The following MSRA variants were observed in gnomAD, a reference collection of about 807,000 sequenced individuals.
The protein encoded by MSRA is methionine sulfoxide reductase A.
In MSRA, 54 loss-of-function variants were observed where a neutral mutation model predicts 31.3. The ratio of observed to expected loss-of-function variants is 1.73; its 90% confidence interval spans 1.39 to 2.17. The LOEUF (loss-of-function observed/expected upper bound fraction) is 2.17, where lower values mean the gene tolerates loss of function less well. Among genes scored for constraint, MSRA ranks in the 30% most tolerant of loss-of-function variants. MSRA has a pLI of 0.00. For missense variants in MSRA, 507 were observed against 300.9 expected, an observed-to-expected ratio of 1.69 and a Z score of -5.07; for synonymous variants, 169 against 116.5, an observed-to-expected ratio of 1.45 and a Z score of -2.90.
chr8:10,207,843 T>C lies in MSRA; in HGVS notation c.153T>C (p.His51=), dbSNP rs780807485. 3.1e-5 allele frequency: 50 copies of C among 1,610,596 alleles called. No homozygotes were observed. In the Admixed American group the frequency reaches 7.9e-4, roughly 25 times the overall value. ...KEQTPVAAKH[H]VNGNRTVEPF... ...TTTTTTTTTTTCTAGCCAAACATCA[T>C]GTCAATGGCAACAGAACAGTCGAAC... The change falls in exon 2 of 6, where the codon CAT becomes CAC. Residue 51 remains histidine (H), a synonymous_variant. Transcript: ENST00000317173.
intron 4 of MSRA, among the ~76,000 whole-genome samples, chr8:10,308,427 A>C (rs368041410): frequency 1.3e-5 from 2 of 151,990 alleles, no homozygotes; most frequent in Non-Finnish European, 2.9e-5. Context: ...CTCTCTATCC[A>C]CTTGACCACG....
rs958844400 is a variant in MSRA at position 10,152,769 on chromosome 8, A to C, written c.143-55064A>C. On this transcript the variant is annotated intron_variant, in intron 1 of 5. Coordinates refer to ENST00000317173, the MANE Select transcript of MSRA (RefSeq NM_012331.5). Reference sequence around the variant, plus strand: ...ACAATAGCTCCACGTGCCCGTTGACAGGTGAACAGGTAGACAGAATGTGGT... The same window carrying C: ...ACAATAGCTCCACGTGCCCGTTGACCGGTGAACAGGTAGACAGAATGTGGT... Among the ~76,000 whole-genome samples the C allele has an allele frequency of 4.6e-5, 7 of 152,344 alleles. No homozygotes were observed. In the South Asian group the frequency reaches 1.4e-3, roughly 32 times the overall value.
intron 3 of MSRA, among the ~76,000 whole-genome samples, chr8:10,260,052 A>C (rs1798391675): frequency 6.6e-6 from 1 of 152,246 alleles, no homozygotes; most frequent in African/African-American, 2.4e-5. Flanking sequence ...GAAAGAGAAA[A>C]CAACCAAGTC....
At chr8:10,163,751 A>T (rs1390234414) in intron 1 of MSRA, among the ~76,000 whole-genome samples, 1 of 152,250 alleles carries the variant, frequency 6.6e-6, no homozygotes, top group Non-Finnish European at 1.5e-5. Flanking sequence ...GGCGTCATCA[A>T]AGGGGAGGAT....
At chr8:10,307,667 C>T (rs1469905267) in intron 4 of MSRA, among the ~76,000 whole-genome samples, 1 of 152,204 alleles carries the variant, frequency 6.6e-6, no homozygotes, top group Non-Finnish European at 1.5e-5. Context: ...TAGATCTTGC[C>T]TGCTGCACAG....
chr8:10,220,206 C>T (rs1176704344), intron 2 of MSRA, among the ~76,000 whole-genome samples: 1 of 152,164 alleles, frequency 6.6e-6, no homozygotes, highest in Non-Finnish European at 1.5e-5. Flanking sequence ...TCATCAGTGT[C>T]CCAGACTTAC....
At chr8:10,155,161 A>G (rs914093275) in intron 1 of MSRA, among the ~76,000 whole-genome samples, 1 of 152,118 alleles carries the variant, frequency 6.6e-6, no homozygotes, top group Non-Finnish European at 1.5e-5. Context: ...GACAATAAGG[A>G]TAAAGAAATA....
intron 1 of MSRA, among the ~76,000 whole-genome samples, chr8:10,135,900 C>T (rs1367214642): frequency 6.6e-6 from 1 of 152,184 alleles, no homozygotes; most frequent in East Asian, 1.9e-4. Context: ...AGGTAGAATC[C>T]TCAGATGCTT....
chr8:10,368,554 C>A (rs1805298019), intron 5 of MSRA, among the ~76,000 whole-genome samples: 1 of 152,244 alleles, frequency 6.6e-6, no homozygotes, highest in Non-Finnish European at 1.5e-5. Context: ...GGGGTGGTCC[C>A]AGTCCTGGTT....
At chr8:10,253,057 G>C (rs1301062436) in intron 3 of MSRA, among the ~76,000 whole-genome samples, 1 of 152,200 alleles carries the variant, frequency 6.6e-6, no homozygotes, top group Admixed American at 6.5e-5. Flanking sequence ...TCCAGCATTA[G>C]ACATCAGAGA....
chr8:10,190,473 T>C (rs928654697), intron 1 of MSRA, among the ~76,000 whole-genome samples: 2 of 152,226 alleles, frequency 1.3e-5, no homozygotes, highest in Non-Finnish European at 2.9e-5. Context: ...GAGGGTGATG[T>C]TGCCTGTCTG....
chr8:10,056,692 A>G (rs1261065074), intron 1 of MSRA, among the ~76,000 whole-genome samples: 1 of 152,190 alleles, frequency 6.6e-6, no homozygotes, highest in Admixed American at 6.5e-5. Flanking sequence ...GGCTCCAGAA[A>G]TGGGCAGTGT....
intron 5 of MSRA, among the ~76,000 whole-genome samples, chr8:10,357,550 C>CT (rs1433179630): frequency 6.6e-6 from 1 of 152,218 alleles, no homozygotes; most frequent in Non-Finnish European, 1.5e-5. Context: ...CACATTGGCT[C>CT]TGGGGTCCTT....
intron 5 of MSRA, among the ~76,000 whole-genome samples, chr8:10,347,054 A>G (rs1803826765): frequency 6.6e-6 from 1 of 151,824 alleles, no homozygotes; most frequent in Admixed American, 6.6e-5. Context: ...AGCCCCCTCC[A>G]ATGTGTTTTC....
chr8:10,124,070 GT>G (rs1422645154), intron 1 of MSRA, among the ~76,000 whole-genome samples: 19 of 152,176 alleles, frequency 1.2e-4, no homozygotes, highest in Admixed American at 9.2e-4. Flanking sequence ...GGCTTCTGGT[GT>G]GGGTGGGGCT....
intron 3 of MSRA, among the ~76,000 whole-genome samples, chr8:10,269,151 C>T (rs1480615897): frequency 2.0e-5 from 3 of 152,170 alleles, no homozygotes; most frequent in Non-Finnish European, 4.4e-5. Context: ...TGCTGCTGCA[C>T]GTTGTGCTCA....
intron 5 of MSRA, among the ~76,000 whole-genome samples, chr8:10,396,831 C>A (rs781586667): frequency 3.3e-5 from 5 of 152,144 alleles, no homozygotes; most frequent in Non-Finnish European, 7.3e-5. Context: ...GGGGTATGGC[C>A]CTTACGCGAG....
chr8:10,366,283 G>A (rs747427516), intron 5 of MSRA, among the ~76,000 whole-genome samples: 1 of 152,268 alleles, frequency 6.6e-6, no homozygotes, highest in African/African-American at 2.4e-5. Flanking sequence ...AGAGGAAGCA[G>A]AGGGCTCTGA....
Position 10,054,438 on chromosome 8 carries a change from C to G in MSRA, c.-79C>G. ...CGCCCCCCGGTTCCGGCCGCGGACC[C>G]CACTCTCTGCCGTTCCGGCTGCGGC... On this transcript the variant is annotated 5_prime_UTR_variant, in exon 1 of 6. Coordinates refer to ENST00000317173, the MANE Select transcript of MSRA (RefSeq NM_012331.5). The G allele has an allele frequency of 5.7e-6, 8 of 1,413,234 alleles. No individual in the cohort carries two copies. The highest frequency in any genetic ancestry group is 3.0e-5 in the East Asian group (1 of 33,104). The allele number at this position is 1,413,234 out of a possible 1,614,324, so 87.5% of individuals were successfully genotyped here. A position where few individuals can be genotyped will look rare whatever the true frequency, so the allele number is the denominator to read the frequency against.
Sources: gnomAD v4.1 joint callset for allele counts (sites outside exome capture counted in the v4.1 genomes callset) on GRCh38, gnomAD v4.1.1 for gene constraint, MANE v1.5 for transcripts, NCBI Gene and HGNC (gene_info 2026-07-23, HGNC 2026-07-21) for gene names.